CTNNA3: variants seen among roughly 807,000 people sequenced by gnomAD.
CTNNA3 encodes the protein catenin alpha 3, also known as catenin alpha-3.
CTNNA3 carries 76 observed loss-of-function variants against 95.7 expected under a neutral mutation model. That is an observed-to-expected ratio of 0.79 (90% CI 0.66 to 0.96). The LOEUF (loss-of-function observed/expected upper bound fraction) is 0.96, where lower values mean the gene tolerates loss of function less well. CTNNA3 is among the 40% of genes least tolerant of loss of function. The pLI is 0.00. For synonymous variants in CTNNA3, 431 were observed against 374.4 expected, an observed-to-expected ratio of 1.15 and a Z score of -1.74; for missense variants, 1,191 against 1,089.8, an observed-to-expected ratio of 1.09 and a Z score of -1.31.
At chr10:67,576,720 A>C (rs1842167470) in intron 3 of CTNNA3, among the ~76,000 whole-genome samples, 2 of 90,186 alleles carry the variant, frequency 2.2e-5, no homozygotes, top group African/African-American at 9.4e-5. Context: ...CCACCCCACA[A>C]CAGTCCCCAG....
At chr10:66,428,907 G>A (rs1473535075) in intron 11 of CTNNA3, among the ~76,000 whole-genome samples, 1 of 151,972 alleles carries the variant, frequency 6.6e-6, no homozygotes, top group Non-Finnish European at 1.5e-5. Context: ...TAAGATCAGA[G>A]CAGAACTGAA....
chr10:67,549,162 G>A (rs1346561056), intron 3 of CTNNA3, among the ~76,000 whole-genome samples: 1 of 151,334 alleles, frequency 6.6e-6, no homozygotes, highest in African/African-American at 2.4e-5. Context: ...CTGCAGAGGG[G>A]ACCAAAAAAA....
chr10:67,728,363 G>A (rs1465647432), intron 1 of CTNNA3, among the ~76,000 whole-genome samples: 1 of 149,162 alleles, frequency 6.7e-6, no homozygotes, highest in Non-Finnish European at 1.5e-5. Context: ...TGCGGCAGGA[G>A]AATCGCTTGA....
intron 12 of CTNNA3, among the ~76,000 whole-genome samples, chr10:66,335,415 A>C (rs7896705): frequency 0.68 from 103,013 of 151,806 alleles, 35,376 homozygotes; most frequent in Non-Finnish European, 0.71. Context: ...TTTGGTGTGG[A>C]TGTCCTTTCT....
intron 7 of CTNNA3, among the ~76,000 whole-genome samples, chr10:67,178,222 G>A (rs977210791): frequency 6.6e-6 from 1 of 152,138 alleles, no homozygotes; most frequent in African/African-American, 2.4e-5. Flanking sequence ...TGGGGCCACA[G>A]ATGCCTGTGA....
chr10:66,779,523 A>AT lies in CTNNA3; in HGVS notation c.1048-4000dup, dbSNP rs59453549. ...AGGTGCCTACCACCATGCCTGGCTTATTTTTTTTTTTGTACTTTTAGTAGA... is the reference window on the plus strand; with the variant it reads ...AGGTGCCTACCACCATGCCTGGCTTATTTTTTTTTTTTGTACTTTTAGTAGA... On this transcript the variant is annotated intron_variant, in intron 7 of 17. Transcript: ENST00000433211. Among the ~76,000 whole-genome samples the AT allele has an allele frequency of 7.1e-4, 104 of 146,178 alleles. 2 individuals are homozygous for AT. Among genetic ancestry groups the AT allele is most frequent in the East Asian group, 2.2e-3 (11 of 4,950 alleles).
At chr10:66,683,978 G>T (rs1009522953) in intron 9 of CTNNA3, among the ~76,000 whole-genome samples, 3 of 152,178 alleles carry the variant, frequency 2.0e-5, no homozygotes, top group Non-Finnish European at 4.4e-5. Flanking sequence ...ATACAAAAAA[G>T]ATGGGATTTT....
intron 14 of CTNNA3, among the ~76,000 whole-genome samples, chr10:66,077,897 G>T (rs956102656): frequency 6.6e-6 from 1 of 151,756 alleles, no homozygotes; most frequent in African/African-American, 2.4e-5. Context: ...TTGAAGGGTT[G>T]GTAAATTTGT....
At chr10:66,809,306 T>C (rs7350406) in intron 7 of CTNNA3, among the ~76,000 whole-genome samples, 81,537 of 152,016 alleles carry the variant, frequency 0.54, 22,684 homozygotes, top group East Asian at 0.76. Flanking sequence ...ATAGCATTTA[T>C]TTCCAGTTAC....
intron 5 of CTNNA3, among the ~76,000 whole-genome samples, chr10:67,246,162 G>A (rs534148494): frequency 1.3e-5 from 2 of 152,270 alleles, no homozygotes; most frequent in East Asian, 3.9e-4. Flanking sequence ...AATTAATAAC[G>A]ATTTTGCCTT....
intron 7 of CTNNA3, among the ~76,000 whole-genome samples, chr10:66,940,239 C>T (rs1197098189): frequency 1.3e-5 from 2 of 152,044 alleles, no homozygotes; most frequent in African/African-American, 4.8e-5. Flanking sequence ...GTGGCTCATG[C>T]CTATAGGCCC....
intron 3 of CTNNA3, among the ~76,000 whole-genome samples, chr10:67,575,921 A>T (rs1842127369): frequency 6.6e-6 from 1 of 152,144 alleles, no homozygotes; most frequent in African/African-American, 2.4e-5. Context: ...CCATTTTGAA[A>T]AGGACTGATA....
At chr10:66,115,345 T>C (rs1454046278) in intron 13 of CTNNA3, among the ~76,000 whole-genome samples, 1 of 152,206 alleles carries the variant, frequency 6.6e-6, no homozygotes, top group Non-Finnish European at 1.5e-5. Flanking sequence ...GCTATTTCCC[T>C]GTTTTGTATG....
intron 5 of CTNNA3, among the ~76,000 whole-genome samples, chr10:67,287,977 T>C (rs1839677814): frequency 6.6e-6 from 1 of 152,176 alleles, no homozygotes; most frequent in Admixed American, 6.5e-5. Context: ...ATTGACACTG[T>C]TCATAAAAGA....
intron 9 of CTNNA3, among the ~76,000 whole-genome samples, chr10:66,685,313 G>GTATATA (rs1564617351): frequency 9.8e-5 from 3 of 30,546 alleles, no homozygotes; most frequent in African/African-American, 6.7e-4. Flanking sequence ...ATATATGTGT[G>GTATATA]TGTGTATGTG....
In CTNNA3 at chr10:67,645,386, T is replaced by A. The variant is rs145807873; in HGVS notation, c.99+2029A>T. On this transcript the variant is annotated intron_variant, in intron 2 of 17. Transcript: ENST00000433211. ...AGCAATATGTCAGCAACCTTTGTGA[T>A]TAGCAAGTTTTAAGTGACCAACTGT... 8.6e-3 allele frequency among the ~76,000 whole-genome samples: 1,313 copies of A among 152,288 alleles called. 16 individuals carry two copies. The highest frequency in any genetic ancestry group is 0.03 in the African/African-American group (1,243 of 41,564).
At chr10:66,793,101 C>A (rs117608850) in intron 7 of CTNNA3, among the ~76,000 whole-genome samples, 1 of 151,910 alleles carries the variant, frequency 6.6e-6, no homozygotes, top group South Asian at 2.1e-4. Flanking sequence ...AATGGTAATC[C>A]ACAGGTGTAA....
chr10:67,367,099 A>G (rs1243491347), intron 5 of CTNNA3, among the ~76,000 whole-genome samples: 1 of 152,196 alleles, frequency 6.6e-6, no homozygotes, highest in African/African-American at 2.4e-5. Context: ...TAATTAAACT[A>G]AAGTGCTTCT....
At chr10:66,658,427 A>C (rs1442752752) in intron 9 of CTNNA3, among the ~76,000 whole-genome samples, 1 of 152,180 alleles carries the variant, frequency 6.6e-6, no homozygotes, top group Non-Finnish European at 1.5e-5. Context: ...TATGTAACTA[A>C]AAAGATATGA....
Sources: allele counts gnomAD v4.1 joint callset (sites outside exome capture counted in the v4.1 genomes callset), GRCh38; gene constraint gnomAD v4.1.1; transcripts MANE v1.5; gene names NCBI Gene and HGNC (gene_info 2026-07-23, HGNC 2026-07-21).